The following VAMP7 variants were observed in gnomAD, a reference collection of about 807,000 sequenced individuals.
VAMP7 encodes the protein vesicle associated membrane protein 7.
Under a neutral mutation model 29.6 loss-of-function variants are expected in VAMP7, and 14 were observed. That is an observed-to-expected ratio of 0.47 (90% CI 0.31 to 0.74). The LOEUF (loss-of-function observed/expected upper bound fraction) is 0.74. Among genes scored for constraint, VAMP7 ranks in the 30% least tolerant of loss-of-function variants. The pLI, the probability that VAMP7 is intolerant of heterozygous loss-of-function variation, is 0.05. For missense variants in VAMP7, 223 were observed against 262.4 expected (o/e 0.85, Z 1.04); for synonymous variants, 95 against 88.1 (o/e 1.08, Z -0.44).
At chrX:155,941,652 T>C (rs1458370508) in intron 7 of VAMP7, among the ~76,000 whole-genome samples, 2 of 152,160 alleles carry the variant, frequency 1.3e-5, no homozygotes, top group East Asian at 3.9e-4. Context: ...CTGCTTTCTC[T>C]CCCACTGAAG....
chrX:155,896,952 AATAT>A (rs1003856589), intron 3 of VAMP7, among the ~76,000 whole-genome samples: 1 of 150,394 alleles, frequency 6.6e-6, no homozygotes, highest in African/African-American at 2.4e-5. Flanking sequence ...ATTATATTGA[AATAT>A]ATATATATAT....
chrX:155,901,252 T>C (rs2066057656), intron 5 of VAMP7, among the ~76,000 whole-genome samples: 1 of 152,112 alleles, frequency 6.6e-6, no homozygotes, highest in Admixed American at 6.6e-5. Flanking sequence ...TCTTGATATG[T>C]ACGTCTTGGC....
At chrX:155,897,180 A>T (rs991330387) in intron 3 of VAMP7, among the ~76,000 whole-genome samples, 22 of 152,166 alleles carry the variant, frequency 1.4e-4, no homozygotes, top group African/African-American at 5.3e-4. Flanking sequence ...GATTATGAAT[A>T]TACAACCTAT....
At chrX:155,881,680 C>T (rs970190001) in intron 1 of VAMP7, among the ~76,000 whole-genome samples, 6 of 152,072 alleles carry the variant, frequency 3.9e-5, no homozygotes, top group Non-Finnish European at 2.9e-5. Context: ...CTTAAGCTGT[C>T]ATTACAGGAG....
chrX:155,885,783 A>G (rs1266485905), intron 1 of VAMP7, among the ~76,000 whole-genome samples: 1 of 152,176 alleles, frequency 6.6e-6, no homozygotes, highest in Non-Finnish European at 1.5e-5. Flanking sequence ...CCACCAAACT[A>G]TCAGAAGCTA....
At chrX:155,895,575 G>A (rs2065976704) in intron 2 of VAMP7, 48 bp from the exon 3 acceptor site, 2 of 1,403,430 alleles carry the variant, frequency 1.4e-6, no homozygotes, top group Non-Finnish European at 2.0e-6. Context: ...AGAAGTAAAA[G>A]TGATGTTGCT....
rs1341441838 is a variant in VAMP7, at chrX:155,943,571, T to C, written c.*1620T>C. The C allele has an allele frequency of 6.6e-6, 1 of 152,220 alleles. No homozygotes were observed. The highest frequency in any genetic ancestry group is 1.5e-5 in the Non-Finnish European group (1 of 68,024). 9.4% of individuals were successfully genotyped at this position (152,220 alleles called of 1,614,324 possible). ...ATTCCTGAATAATTTCCAAATGTTT[T>C]TAATCCAAAGAAAAAGGTTTAAAGC... On this transcript the variant is annotated 3_prime_UTR_variant, in exon 8 of 8. Transcript: ENST00000286448.
At chrX:155,898,000 C>A in intron 3 of VAMP7, 112 bp from the exon 4 acceptor site, 1 of 1,349,970 alleles carries the variant, frequency 7.4e-7, no homozygotes, top group East Asian at 2.3e-5. Context: ...CTAGTTCCTC[C>A]TCAGATAATC....
At chrX:155,887,934 T>A in intron 1 of VAMP7, among the ~76,000 whole-genome samples, 1 of 129,064 alleles carries the variant, frequency 7.7e-6, no homozygotes, top group Admixed American at 7.9e-5. Context: ...CAAGACCCTG[T>A]CTCAAAAAAA....
intron 5 of VAMP7, among the ~76,000 whole-genome samples, chrX:155,905,751 C>T (rs1426290054): frequency 6.6e-6 from 1 of 152,094 alleles, no homozygotes; most frequent in Non-Finnish European, 1.5e-5. Context: ...CAGTTCTGTT[C>T]AGTTTATCTT....
At chrX:155,938,949 T>A (rs758696894) in intron 6 of VAMP7, among the ~76,000 whole-genome samples, 20 of 152,362 alleles carry the variant, frequency 1.3e-4, no homozygotes, top group African/African-American at 4.8e-4. Flanking sequence ...TACTGTATTG[T>A]ATTCCATGTT....
At chrX:155,883,780 G>A (rs540668499) in intron 1 of VAMP7, among the ~76,000 whole-genome samples, 5 of 147,402 alleles carry the variant, frequency 3.4e-5, no homozygotes, top group African/African-American at 1.3e-4. Context: ...GCGCGATCTC[G>A]GCTCACTGCA....
chrX:155,904,248 A>T (rs1216588842), intron 5 of VAMP7, among the ~76,000 whole-genome samples: 1 of 151,086 alleles, frequency 6.6e-6, no homozygotes. Context: ...AGATATACCT[A>T]ATGCTAAATG....
intron 1 of VAMP7, among the ~76,000 whole-genome samples, chrX:155,886,015 G>A (rs1321489487): frequency 6.6e-6 from 1 of 152,164 alleles, no homozygotes; most frequent in African/African-American, 2.4e-5. Flanking sequence ...GGGACCAAGT[G>A]GGGAGTGAAT....
chrX:155,917,061 A>G (rs1419478233), intron 5 of VAMP7, among the ~76,000 whole-genome samples: 1 of 151,908 alleles, frequency 6.6e-6, no homozygotes, highest in Non-Finnish European at 1.5e-5. Context: ...ATTCCTTTTC[A>G]TTATTTTTTC....
At chrX:155,938,517 G>A (rs2066696026) in intron 6 of VAMP7, among the ~76,000 whole-genome samples, 1 of 152,150 alleles carries the variant, frequency 6.6e-6, no homozygotes, top group Admixed American at 6.5e-5. Context: ...TTTTCACAAA[G>A]TAAACATACC....
intron 1 of VAMP7, 40 bp from the exon 2 acceptor site, chrX:155,889,417 CA>C: frequency 1.3e-6 from 2 of 1,590,140 alleles, no homozygotes; most frequent in Non-Finnish European, 1.7e-6. Flanking sequence ...AAGATTATGT[CA>C]AAGAAATATT....
intron 5 of VAMP7, among the ~76,000 whole-genome samples, chrX:155,912,591 ATGAG>A (rs2066253566): frequency 6.7e-6 from 1 of 149,796 alleles, no homozygotes; most frequent in Non-Finnish European, 1.5e-5. Context: ...ACTCCCACTT[ATGAG>A]TGAGAACACG....
intron 2 of VAMP7, among the ~76,000 whole-genome samples, chrX:155,892,800 T>C (rs2124245775): frequency 6.6e-6 from 1 of 152,030 alleles, no homozygotes; most frequent in South Asian, 2.1e-4. Context: ...TTGCCCAGGC[T>C]GGAGTGCAAT....
Sources: allele counts gnomAD v4.1 joint callset (sites outside exome capture counted in the v4.1 genomes callset), GRCh38; gene constraint gnomAD v4.1.1; transcripts MANE v1.5; gene names NCBI Gene and HGNC (gene_info 2026-07-23, HGNC 2026-07-21).